Variants in TBCE observed in about 807,000 individuals in gnomAD.
TBCE encodes the protein tubulin folding cofactor E.
Under a neutral mutation model 77.0 loss-of-function variants are expected in TBCE, and 53 were observed. The observed-to-expected ratio is 0.69, with a 90% CI of 0.55 to 0.87. TBCE has a LOEUF of 0.87. Among genes scored for constraint, TBCE ranks in the 40% least tolerant of loss-of-function variants. The pLI, the probability that TBCE is intolerant of heterozygous loss-of-function variation, is 0.00. For missense variants in TBCE, 624 were observed against 622.4 expected (o/e 1.00, Z -0.03); for synonymous variants, 235 against 241.3 (o/e 0.97, Z 0.24).
intron 6 of TBCE, 43 bp downstream of exon 6, chr1:235,427,282 C>A: frequency 7.1e-7 from 1 of 1,407,584 alleles, no homozygotes. Context: ...CAATAAAGCT[C>A]ATCTCTCCTT....
chr1:235,393,606 ATG>A (rs1423216933), intron 2 of TBCE, among the ~76,000 whole-genome samples: 11 of 102,564 alleles, frequency 1.1e-4, no homozygotes, highest in African/African-American at 3.7e-4. Context: ...AGAGTTTTAA[ATG>A]TTTTTTTTTC....
At chr1:235,391,787 A>G (rs1678408241) in intron 2 of TBCE, among the ~76,000 whole-genome samples, 2 of 151,310 alleles carry the variant, frequency 1.3e-5, no homozygotes, top group African/African-American at 4.9e-5. Flanking sequence ...TTATATTTTT[A>G]GTAGAGATGG....
At chr1:235,368,475 T>C (rs1343095064) in intron 1 of TBCE, among the ~76,000 whole-genome samples, 1 of 152,112 alleles carries the variant, frequency 6.6e-6, no homozygotes, top group African/African-American at 2.4e-5. Context: ...TTTTAACTTT[T>C]CTGTATGCTC....
intron 3 of TBCE, chr1:235,413,848 ATTTTTTTTTT>A (rs781617014): frequency 2.8e-5 from 2 of 70,942 alleles, no homozygotes; most frequent in East Asian, 4.6e-4. Flanking sequence ...TCCACCTACG[ATTTTTTTTTT>A]TTTTTTTTTT....
intron 3 of TBCE, among the ~76,000 whole-genome samples, chr1:235,406,335 C>G (rs1432535524): frequency 1.3e-5 from 2 of 152,056 alleles, no homozygotes; most frequent in African/African-American, 4.8e-5. Context: ...ATCTCCTGAG[C>G]TATTATTACC....
chr1:235,404,920 A>G (rs960294822), intron 3 of TBCE, among the ~76,000 whole-genome samples: 4 of 150,856 alleles, frequency 2.7e-5, no homozygotes, highest in Admixed American at 6.6e-5. Context: ...TCAGCCTCCC[A>G]AAGTGCTGGG....
At chr1:235,411,815 G>A (rs1447696221) in intron 3 of TBCE, among the ~76,000 whole-genome samples, 1 of 151,938 alleles carries the variant, frequency 6.6e-6, no homozygotes, top group Non-Finnish European at 1.5e-5. Flanking sequence ...CAACATACAA[G>A]GTGGATATTT....
chr1:235,445,782 C>T (rs1309000263), intron 15 of TBCE, among the ~76,000 whole-genome samples: 1 of 152,132 alleles, frequency 6.6e-6, no homozygotes, highest in Non-Finnish European at 1.5e-5. Flanking sequence ...TAAAAATACA[C>T]ATATGCTCTG....
intron 5 of TBCE, among the ~76,000 whole-genome samples, chr1:235,421,244 A>T (rs1373767863): frequency 1.3e-5 from 2 of 152,026 alleles, no homozygotes; most frequent in East Asian, 3.9e-4. Flanking sequence ...TTGTCTCTAT[A>T]AAAAATTAAA....
intron 2 of TBCE, among the ~76,000 whole-genome samples, chr1:235,382,274 T>C (rs1464716554): frequency 6.6e-6 from 1 of 152,062 alleles, no homozygotes; most frequent in Non-Finnish European, 1.5e-5. Flanking sequence ...ACAATAAACA[T>C]ACGTGTGCAT....
intron 2 of TBCE, among the ~76,000 whole-genome samples, chr1:235,391,086 G>A (rs1282316991): frequency 1.3e-5 from 2 of 152,120 alleles, no homozygotes; most frequent in East Asian, 3.8e-4. Context: ...GGACAGAGCT[G>A]CCTCTGTTGG....
chr1:235,387,121 G>C (rs1272767529), intron 2 of TBCE, among the ~76,000 whole-genome samples: 1 of 152,212 alleles, frequency 6.6e-6, no homozygotes, highest in Non-Finnish European at 1.5e-5. Flanking sequence ...GGATTTTCGT[G>C]AACCGCGAAT....
intron 5 of TBCE, among the ~76,000 whole-genome samples, chr1:235,424,402 G>A (rs1680581886): frequency 4.9e-5 from 4 of 81,256 alleles, no homozygotes; most frequent in Admixed American, 2.5e-4. Context: ...TTGGCTCACC[G>A]CAACCTTCTG....
At chr1:235,371,034 C>G (rs1332750667) in intron 1 of TBCE, among the ~76,000 whole-genome samples, 4 of 100,530 alleles carry the variant, frequency 4.0e-5, no homozygotes, top group Non-Finnish European at 7.6e-5. Flanking sequence ...GCTATCACGC[C>G]TGGCTTTTTT....
chr1:235,443,328 G>A (rs1032694445), intron 15 of TBCE, among the ~76,000 whole-genome samples: 9 of 151,974 alleles, frequency 5.9e-5, no homozygotes, highest in African/African-American at 1.9e-4. Context: ...CAGCCTCCAC[G>A]TAGCTGGGAC....
intron 2 of TBCE, among the ~76,000 whole-genome samples, chr1:235,401,059 T>C (rs939445992): frequency 6.6e-6 from 1 of 152,010 alleles, no homozygotes; most frequent in Non-Finnish European, 1.5e-5. Context: ...AAGTTTGCCA[T>C]TTTAACCACT....
chr1:235,436,632 C>T (rs373903915), intron 11 of TBCE, 24 bp downstream of exon 11: 52 of 1,596,408 alleles, frequency 3.3e-5, no homozygotes, highest in Non-Finnish European at 4.2e-5. Flanking sequence ...GGAGTATGCC[C>T]AGCACACTGT....
rs570801700 is a variant in TBCE at position 235,449,202 on chromosome 1, T to G, written c.*440T>G. On this transcript the variant is annotated 3_prime_UTR_variant, in exon 17 of 17. Coordinates refer to ENST00000642610, the MANE Select transcript of TBCE (RefSeq NM_003193.5). ...AATGTCCCTTAAACTTGGGGAGACA[T>G]CCTCTACTATGTATAACAATATGCT... 1.2e-5 allele frequency: 3 copies of G among 244,914 alleles called. No individual in the cohort carries two copies. Among genetic ancestry groups the G allele is most frequent in the Admixed American group, 5.2e-5 (1 of 19,220 alleles). The allele number at this position is 244,914 out of a possible 1,614,324, so 15.2% of individuals were successfully genotyped here.
At chr1:235,398,245 C>T (rs1678865825) in intron 2 of TBCE, among the ~76,000 whole-genome samples, 1 of 150,982 alleles carries the variant, frequency 6.6e-6, no homozygotes, top group South Asian at 2.1e-4. Flanking sequence ...TCCTGGGTTC[C>T]AGCAATTCTC....
Sources: gnomAD v4.1 joint callset for allele counts (sites outside exome capture counted in the v4.1 genomes callset) on GRCh38, gnomAD v4.1.1 for gene constraint, MANE v1.5 for transcripts, NCBI Gene and HGNC (gene_info 2026-07-23, HGNC 2026-07-21) for gene names.